Variants in CACNA1D observed in about 807,000 individuals in gnomAD.
CACNA1D encodes voltage-dependent L-type calcium channel subunit alpha-1D.
CACNA1D carries 55 observed loss-of-function variants against 257.1 expected under a neutral mutation model. The observed-to-expected ratio is 0.21, with a 90% CI of 0.17 to 0.27. The LOEUF is 0.27. Among genes scored for constraint, CACNA1D ranks in the 10% least tolerant of loss-of-function variants. The pLI, the probability that CACNA1D is intolerant of heterozygous loss-of-function variation, is 1.00. For missense variants in CACNA1D, 1,876 were observed against 2,784.0 expected (o/e 0.67, Z 7.34); for synonymous variants, 980 against 1,014.9 (o/e 0.97, Z 0.65).
chr3:53,803,644 G>C (rs1219662623), intron 44 of CACNA1D, 72 bp downstream of exon 44: 4 of 1,502,620 alleles, frequency 2.7e-6, no homozygotes, highest in South Asian at 1.1e-5. Flanking sequence ...CCGGAAGCCA[G>C]GGCCACCGGC....
intron 16 of CACNA1D, 131 bp from the exon 17 acceptor site, chr3:53,730,946 T>C: frequency 1.5e-6 from 1 of 677,752 alleles, no homozygotes; most frequent in South Asian, 1.7e-5. Context: ...TGCTAGGCTC[T>C]TGTGGTTAGT....
chr3:53,773,253 C>G, intron 33 of CACNA1D: 1 of 323,684 alleles, frequency 3.1e-6, no homozygotes, highest in Non-Finnish European at 5.8e-6. Context: ...CTGTGCCGAG[C>G]CGTCGCGGGA....
chr3:53,767,456 C>T (rs1184391802), intron 30 of CACNA1D, among the ~76,000 whole-genome samples: 1 of 151,504 alleles, frequency 6.6e-6, no homozygotes, highest in Non-Finnish European at 1.5e-5. Context: ...ATCCCAGCTA[C>T]TCAGGAGGCT....
chr3:53,756,249 G>A (rs3774563), intron 29 of CACNA1D, among the ~76,000 whole-genome samples: 72,225 of 152,076 alleles, frequency 0.47, 17,926 homozygotes, highest in East Asian at 0.84. Context: ...CTTATTTTAT[G>A]TAAGGGAGCT....
intron 3 of CACNA1D, among the ~76,000 whole-genome samples, chr3:53,598,176 A>G (rs2093395041): frequency 6.6e-6 from 1 of 152,168 alleles, no homozygotes; most frequent in Non-Finnish European, 1.5e-5. Context: ...TAAATTTTCA[A>G]TATTATACAT....
Position 53,751,866 on chromosome 3 carries a change from T to C in CACNA1D, c.3634T>C (p.Phe1212Leu). 1 of 1,613,936 alleles carries C rather than the reference T, an allele frequency of 6.2e-7. No homozygotes were observed. The highest frequency in any genetic ancestry group is 8.5e-7 in the Non-Finnish European group (1 of 1,179,918). The change falls in exon 28 of 48, where the codon TTT (phenylalanine) becomes CTT (leucine). Residue 1212 changes from phenylalanine (F) to leucine (L), a missense_variant. By Grantham distance (22) the Phe-to-Leu change is conservative. Transcript: ENST00000350061. This position sits in a 1 kb window ranked among gnomAD's most constrained non-coding sequence, Gnocchi z 4.3. ...VNSSPFEYMM[F>L]VLIMLNTLCL... The stretch of plus-strand genomic sequence containing the variant: ...CTCTTCGCCTTTCGAATACATGATG[T>C]TTGTCCTCATCATGCTCAACACACT...
intron 9 of CACNA1D, among the ~76,000 whole-genome samples, chr3:53,717,801 A>G (rs1402919039): frequency 6.6e-6 from 1 of 152,200 alleles, no homozygotes; most frequent in East Asian, 1.9e-4. Flanking sequence ...AATGTTGTGC[A>G]TGGTACCTTC....
intron 3 of CACNA1D, among the ~76,000 whole-genome samples, chr3:53,551,464 C>A (rs556527080): frequency 6.6e-6 from 1 of 152,214 alleles, no homozygotes; most frequent in Non-Finnish European, 1.5e-5. Context: ...GGGTTGCTGC[C>A]GGGTATGACC....
At chr3:53,692,017 G>T (rs1228021653) in intron 8 of CACNA1D, among the ~76,000 whole-genome samples, 2 of 143,732 alleles carry the variant, frequency 1.4e-5, no homozygotes, top group African/African-American at 5.2e-5. Context: ...GGTGATTGAA[G>T]TTACATATGC....
intron 38 of CACNA1D, 44 bp downstream of exon 38, chr3:53,780,172 G>A: frequency 7.1e-7 from 1 of 1,406,890 alleles, no homozygotes; most frequent in Non-Finnish European, 1.0e-6. Context: ...GGAAAGGAGA[G>A]AGACATCACA....
chr3:53,510,136 T>C (rs1390278902), intron 3 of CACNA1D, among the ~76,000 whole-genome samples: 1 of 152,220 alleles, frequency 6.6e-6, no homozygotes, highest in East Asian at 1.9e-4. Flanking sequence ...TTGTTTCAAA[T>C]AATTAAAACA....
intron 3 of CACNA1D, among the ~76,000 whole-genome samples, chr3:53,564,143 T>C (rs1335937223): frequency 6.6e-6 from 1 of 152,140 alleles, no homozygotes; most frequent in Non-Finnish European, 1.5e-5. Flanking sequence ...GTCCGTTGAG[T>C]CTTATGTCCA....
chr3:53,565,923 A>G (rs1329285404), intron 3 of CACNA1D, among the ~76,000 whole-genome samples: 1 of 152,184 alleles, frequency 6.6e-6, no homozygotes, highest in African/African-American at 2.4e-5. Flanking sequence ...TATCAAGTAG[A>G]ATGTGGAGTA....
At chr3:53,810,964 T>G in intron 47 of CACNA1D, 149 bp from the exon 48 acceptor site, 1 of 666,100 alleles carries the variant, frequency 1.5e-6, no homozygotes, top group South Asian at 1.8e-5. Flanking sequence ...CACTAGTTAT[T>G]ATGTATGAGG....
chr3:53,700,702 T>G (rs1160061074), intron 8 of CACNA1D, among the ~76,000 whole-genome samples: 2 of 152,074 alleles, frequency 1.3e-5, no homozygotes, highest in African/African-American at 2.4e-5. Context: ...CTGCTCACTC[T>G]CTAGATCCAC....
At chr3:53,672,758 C>CTGTGTGTGTGTGTG (rs57956658) in intron 7 of CACNA1D, among the ~76,000 whole-genome samples, 23 of 95,088 alleles carry the variant, frequency 2.4e-4, no homozygotes, top group East Asian at 5.8e-4. Flanking sequence ...CTTGATGACT[C>CTGTGTGTGTGTGTG]TGTGTGTGTG....
At chr3:53,750,214 G>C (rs1259878216) in intron 27 of CACNA1D, among the ~76,000 whole-genome samples, 1 of 152,188 alleles carries the variant, frequency 6.6e-6, no homozygotes, top group African/African-American at 2.4e-5. Flanking sequence ...AGGGAGCCCT[G>C]TGCTCTGGGC....
chr3:53,697,723 A>T (rs987510316), intron 8 of CACNA1D, among the ~76,000 whole-genome samples: 30 of 152,288 alleles, frequency 2.0e-4, no homozygotes, highest in African/African-American at 5.5e-4. Flanking sequence ...ACTGATTTTT[A>T]AAAATATTTT....
chr3:53,572,313 C>G (rs2092958134), intron 3 of CACNA1D, among the ~76,000 whole-genome samples: 1 of 152,176 alleles, frequency 6.6e-6, no homozygotes, highest in Admixed American at 6.5e-5. Flanking sequence ...CTTTTTATCC[C>G]TCTACCATCG....
Sources: gnomAD v4.1 joint callset for allele counts (sites outside exome capture counted in the v4.1 genomes callset) on GRCh38, gnomAD v4.1.1 for gene constraint, Gnocchi (gnomAD v3.1) non-coding constraint, MANE v1.5 for transcripts, NCBI Gene and HGNC (gene_info 2026-07-23, HGNC 2026-07-21) for gene names.